Variants in MMEL1 observed in about 807,000 individuals in gnomAD.
The protein encoded by MMEL1 is membrane metallo-endopeptidase-like 1.
A neutral mutation model predicts 117.1 loss-of-function variants in MMEL1; 98 were observed. That is an observed-to-expected ratio of 0.84 (90% CI 0.71 to 0.99). The LOEUF (loss-of-function observed/expected upper bound fraction) is 0.99. Among genes scored for constraint, MMEL1 ranks in the 50% least tolerant of loss-of-function variants. The pLI is 0.00. For synonymous variants in MMEL1, 390 were observed against 415.1 expected (o/e 0.94, Z 0.74); for missense variants, 1,014 against 1,049.1 (o/e 0.97, Z 0.46).
chr1:2,620,897 C>T (rs546820901), intron 2 of MMEL1, among the ~76,000 whole-genome samples: 122 of 151,984 alleles, frequency 8.0e-4, no homozygotes, highest in Non-Finnish European at 1.5e-3. Context: ...ACCTGAAAAA[C>T]GAGTTCAGGC....
Position 2,595,315 on chromosome 1 carries a change from C to T in MMEL1, c.1545G>A (p.Leu515=), listed in dbSNP as rs535961128. Residue 515 remains leucine, a synonymous_variant, in exon 16 of 24, where the codon CTG becomes CTA. Transcript: ENST00000378412. This position sits in a 1 kb window ranked among gnomAD's most constrained non-coding sequence, Gnocchi z 4.8. ...CGTCCAGGCGCCTGTTCATCTCCTC[C>T]AGGATGTAGTCAGGGTGCCCGATCT... ...REQIGHPDYI[L]EEMNRRLDEE... The T allele has an allele frequency of 1.2e-6, 2 of 1,613,912 alleles. No individual in the cohort carries two copies. The highest frequency in any genetic ancestry group is 1.7e-5 in the Admixed American group (1 of 60,006).
chr1:2,606,425 C>T (rs1314718656), intron 7 of MMEL1, 59 bp from the exon 8 acceptor site: 1 of 1,364,018 alleles, frequency 7.3e-7, no homozygotes, highest in African/African-American at 1.4e-5. Context: ...AGCCCGGCCC[C>T]TTGTCGGTGA....
At chr1:2,606,222 C>G in intron 8 of MMEL1, 26 bp downstream of exon 8, 23 of 1,589,080 alleles carry the variant, frequency 1.4e-5, no homozygotes, top group Non-Finnish European at 2.0e-5. Context: ...ACCCTGCCTA[C>G]CCCTGCCCAC....
At chr1:2,615,138 C>T (rs963320716) in intron 2 of MMEL1, among the ~76,000 whole-genome samples, 1 of 152,274 alleles carries the variant, frequency 6.6e-6, no homozygotes, top group Non-Finnish European at 1.5e-5. Flanking sequence ...AGATACTCTG[C>T]CTCTAAGGAT....
chr1:2,605,431 C>T lies in MMEL1; in HGVS notation c.816+127G>A, dbSNP rs1296101655. 3 of 808,060 alleles carry T rather than the reference C, an allele frequency of 3.7e-6. No individual in the cohort carries two copies. The East Asian group carries it at 7.4e-5, about 20-fold the overall frequency. 50.1% of individuals were successfully genotyped at this position (808,060 alleles called of 1,614,324 possible). On this transcript the variant is annotated intron_variant, in intron 9 of 23. Coordinates refer to ENST00000378412, the MANE Select transcript of MMEL1 (RefSeq NM_033467.4). ...CACCCGCCACCCTCAGTGCCGGGCT[C>T]AACCTCCACAGGTGCTCACTAACAC...
At chr1:2,611,127 C>G (rs910110934) in intron 4 of MMEL1, among the ~76,000 whole-genome samples, 154 bp downstream of exon 4, 9 of 152,216 alleles carry the variant, frequency 5.9e-5, no homozygotes, top group African/African-American at 1.4e-4. Flanking sequence ...CAGCTCCGCC[C>G]GCTCCACAGC....
At position 2,597,796 on chromosome 1, in the gene MMEL1, C is replaced by T. The variant is rs375419542; in HGVS notation, c.1272+411G>A. Among the ~76,000 whole-genome samples, 10 of 152,326 alleles carry T rather than the reference C, an allele frequency of 6.6e-5. No individual in the cohort carries two copies. In the South Asian group the frequency reaches 1.0e-3, roughly 16 times the overall value. Reference sequence around the variant, plus strand: ...CGGCTGCTGTGGCCCGTGGTCACCTCGCCTCCCTCCCTGCCATCTTCTCCT... The same window carrying T: ...CGGCTGCTGTGGCCCGTGGTCACCTTGCCTCCCTCCCTGCCATCTTCTCCT... On this transcript the variant is annotated intron_variant, in intron 13 of 23. Coordinates refer to ENST00000378412, the MANE Select transcript of MMEL1 (RefSeq NM_033467.4).
Position 2,595,385 on chromosome 1 carries a change from G to A in MMEL1, c.1501-26C>T, listed in dbSNP as rs1261107666. 6.2e-7 allele frequency: 1 copy of A among 1,608,130 alleles called. No individual in the cohort carries two copies. Among genetic ancestry groups the A allele is most frequent in the South Asian group, 1.1e-5 (1 of 90,958 alleles). On this transcript the variant is annotated intron_variant, in intron 15 of 23. Coordinates refer to ENST00000378412, the MANE Select transcript of MMEL1 (RefSeq NM_033467.4). This position sits in a 1 kb window ranked among gnomAD's most constrained non-coding sequence, Gnocchi z 4.8. ...CTGAGTGGGGAGGAGGGACTGGTCAGTGGGTGCCCCACTGCGGATGGAGTC... is the reference window on the plus strand; with the variant it reads ...CTGAGTGGGGAGGAGGGACTGGTCAATGGGTGCCCCACTGCGGATGGAGTC...
At chr1:2,605,660 C>T (rs1031185102) in intron 8 of MMEL1, 37 bp from the exon 9 acceptor site, 2 of 1,563,910 alleles carry the variant, frequency 1.3e-6, no homozygotes. Context: ...GGCAAGGGGC[C>T]CGGGGTCCCC....
intron 1 of MMEL1, among the ~76,000 whole-genome samples, chr1:2,631,504 G>A (rs1161892264): frequency 6.6e-6 from 1 of 152,056 alleles, no homozygotes; most frequent in Admixed American, 6.5e-5. Flanking sequence ...GGCTGGGCCA[G>A]CTCATTTCAG....
chr1:2,603,855 T>A (rs1570670848), intron 11 of MMEL1, 29 bp downstream of exon 11: 1 of 1,607,384 alleles, frequency 6.2e-7, no homozygotes, highest in East Asian at 2.2e-5. Context: ...ACCCGGCCAG[T>A]GCCGGCCTCC....
At chr1:2,617,395 C>A (rs935821177) in intron 2 of MMEL1, among the ~76,000 whole-genome samples, 1 of 142,226 alleles carries the variant, frequency 7.0e-6, no homozygotes, top group East Asian at 2.1e-4. Context: ...CCACTGCACT[C>A]CAGCCTGGGC....
chr1:2,608,947 TATAC>T (rs1227728809), intron 6 of MMEL1, among the ~76,000 whole-genome samples: 2 of 151,344 alleles, frequency 1.3e-5, no homozygotes, highest in African/African-American at 2.4e-5. Flanking sequence ...ACATACACAA[TATAC>T]ATACATATAC....
At chr1:2,630,594 TC>T in intron 1 of MMEL1, among the ~76,000 whole-genome samples, 1 of 129,942 alleles carries the variant, frequency 7.7e-6, no homozygotes, top group African/African-American at 2.7e-5. Context: ...CACGTGTGTG[TC>T]CTCGTGTGTG....
At chr1:2,620,109 C>T (rs1316586744) in intron 2 of MMEL1, among the ~76,000 whole-genome samples, 1 of 152,190 alleles carries the variant, frequency 6.6e-6, no homozygotes, top group East Asian at 1.9e-4. Context: ...CAAATAATTT[C>T]ACAGCTAAAC....
intron 1 of MMEL1, 74 bp from the exon 2 acceptor site, chr1:2,629,595 G>T: frequency 2.3e-6 from 3 of 1,320,242 alleles, no homozygotes; most frequent in Non-Finnish European, 3.0e-6. Context: ...TGGAAGGGCC[G>T]GATGCTGGCT....
At chr1:2,602,880 C>A (rs950966321) in intron 11 of MMEL1, among the ~76,000 whole-genome samples, 2 of 147,666 alleles carry the variant, frequency 1.4e-5, no homozygotes, top group Admixed American at 6.6e-5. Flanking sequence ...CATCCTGCCC[C>A]CTTTCTGGCT....
chr1:2,592,463 T>C (rs1452074993), intron 21 of MMEL1, among the ~76,000 whole-genome samples, 192 bp downstream of exon 21: 18 of 18,994 alleles, frequency 9.5e-4, no homozygotes, highest in African/African-American at 3.9e-3. Flanking sequence ...TCCCCTGCCG[T>C]GCTGGCGCCC....
At chr1:2,597,886 A>C (rs1258870493) in intron 13 of MMEL1, among the ~76,000 whole-genome samples, 7 of 152,040 alleles carry the variant, frequency 4.6e-5, no homozygotes. Flanking sequence ...CTGCACTGGC[A>C]CTGGCTGTTT....
Sources: gnomAD v4.1 joint callset for allele counts (sites outside exome capture counted in the v4.1 genomes callset) on GRCh38, gnomAD v4.1.1 for gene constraint, Gnocchi (gnomAD v3.1) non-coding constraint, MANE v1.5 for transcripts, NCBI Gene and HGNC (gene_info 2026-07-23, HGNC 2026-07-21) for gene names.